Variants in ERC2 observed in about 807,000 individuals in gnomAD.
ERC2 encodes ERC protein 2.
ERC2 carries 42 observed loss-of-function variants against 114.8 expected under a neutral mutation model. The observed-to-expected ratio is 0.37, with a 90% CI of 0.29 to 0.47. The LOEUF (loss-of-function observed/expected upper bound fraction) is 0.47, where lower values mean the gene tolerates loss of function less well. ERC2 is among the 20% of genes least tolerant of loss of function. The pLI, the probability that ERC2 is intolerant of heterozygous loss-of-function variation, is 0.99. For missense variants in ERC2, 939 were observed against 1,150.7 expected (o/e 0.82, Z 2.66); for synonymous variants, 454 against 425.5 (o/e 1.07, Z -0.82).
chr3:55,947,443 A>G (rs1005658332), intron 13 of ERC2, among the ~76,000 whole-genome samples: 8 of 152,190 alleles, frequency 5.3e-5, no homozygotes, highest in African/African-American at 1.7e-4. Flanking sequence ...TTTGTGAGTC[A>G]AGTGAACTTT....
chr3:56,136,824 A>G (rs189010396), intron 6 of ERC2, among the ~76,000 whole-genome samples: 35 of 152,320 alleles, frequency 2.3e-4, no homozygotes, highest in Admixed American at 2.2e-3. Flanking sequence ...AAAAAAAGGC[A>G]AAAGAAAATT....
intron 3 of ERC2, among the ~76,000 whole-genome samples, chr3:56,292,346 G>C (rs1269780805): frequency 2.0e-5 from 3 of 151,758 alleles, no homozygotes. Context: ...CACTTTGGAA[G>C]GCTGAGGCAG....
intron 15 of ERC2, among the ~76,000 whole-genome samples, chr3:55,721,401 C>T (rs1019895751): frequency 3.9e-5 from 6 of 152,388 alleles, no homozygotes; most frequent in South Asian, 2.1e-4. Flanking sequence ...TCTGCAAAAG[C>T]GAATCCTGCC....
chr3:56,390,612 T>C (rs560955014), intron 2 of ERC2, among the ~76,000 whole-genome samples: 7 of 152,254 alleles, frequency 4.6e-5, no homozygotes, highest in Non-Finnish European at 7.4e-5. Context: ...ATATTTGTCA[T>C]TGGGGCTATC....
intron 11 of ERC2, among the ~76,000 whole-genome samples, chr3:55,990,221 T>A (rs559282281): frequency 3.0e-4 from 46 of 152,272 alleles, no homozygotes; most frequent in African/African-American, 1.1e-3. Flanking sequence ...AAGGATTCTA[T>A]TTGGGATAGT....
At chr3:56,418,278 G>A (rs2061248111) in intron 2 of ERC2, among the ~76,000 whole-genome samples, 1 of 148,996 alleles carries the variant, frequency 6.7e-6, no homozygotes, top group Admixed American at 6.7e-5. Flanking sequence ...CCTGGGTGAT[G>A]GAGCGAGATC....
intron 3 of ERC2, among the ~76,000 whole-genome samples, chr3:56,232,187 T>C (rs2150179825): frequency 6.6e-6 from 1 of 150,908 alleles, no homozygotes; most frequent in South Asian, 2.1e-4. Flanking sequence ...CAGGCTAGTC[T>C]TGAACTCCTG....
intron 13 of ERC2, among the ~76,000 whole-genome samples, chr3:55,923,175 A>T (rs1048228271): frequency 6.6e-6 from 1 of 152,224 alleles, no homozygotes; most frequent in Non-Finnish European, 1.5e-5. Context: ...TGATATATAC[A>T]TGCAATGGAA....
chr3:56,125,896 T>G (rs928824263), intron 6 of ERC2, among the ~76,000 whole-genome samples: 8 of 152,186 alleles, frequency 5.3e-5, no homozygotes, highest in African/African-American at 1.9e-4. Flanking sequence ...GGAATAAAAT[T>G]CAAAGAGCCC....
chr3:55,715,122 C>A (rs2064034698), intron 15 of ERC2, among the ~76,000 whole-genome samples: 1 of 152,162 alleles, frequency 6.6e-6, no homozygotes, highest in African/African-American at 2.4e-5. Context: ...CAACCAGCAT[C>A]ACCAATCTCT....
chr3:56,071,236 A>C (rs1215881035), intron 7 of ERC2, among the ~76,000 whole-genome samples: 1 of 152,242 alleles, frequency 6.6e-6, no homozygotes, highest in East Asian at 1.9e-4. Context: ...AGGCCAGAGT[A>C]GGGCAATGGT....
At chr3:56,008,538 A>G (rs2072676680) in intron 9 of ERC2, among the ~76,000 whole-genome samples, 1 of 152,186 alleles carries the variant, frequency 6.6e-6, no homozygotes, top group Non-Finnish European at 1.5e-5. Context: ...CTTCACTCCA[A>G]TTAAATTATA....
At chr3:56,075,369 C>T (rs1161136559) in intron 7 of ERC2, among the ~76,000 whole-genome samples, 4 of 152,168 alleles carry the variant, frequency 2.6e-5, no homozygotes, top group African/African-American at 4.8e-5. Context: ...TGACCAGACA[C>T]TCCTGGTTAT....
chr3:56,247,259 G>C (rs2051775717), intron 3 of ERC2, among the ~76,000 whole-genome samples: 1 of 152,058 alleles, frequency 6.6e-6, no homozygotes, highest in African/African-American at 2.4e-5. Flanking sequence ...GCAATTAAAA[G>C]TTAGAATTAT....
intron 15 of ERC2, among the ~76,000 whole-genome samples, chr3:55,732,104 G>T (rs2065287187): frequency 6.6e-6 from 1 of 152,040 alleles, no homozygotes; most frequent in Non-Finnish European, 1.5e-5. Flanking sequence ...TCCACACCCT[G>T]AGCCTCAGTT....
Position 56,319,309 on chromosome 3 carries a change from TA to T in ERC2, c.658-22875del, listed in dbSNP as rs886566598. Among the ~76,000 whole-genome samples the T allele has an allele frequency of 3.4e-3, 489 of 142,560 alleles. 2 individuals carry two copies. The highest frequency in any genetic ancestry group is 9.9e-3 in the African/African-American group (384 of 38,908). The allele number at this position is 142,560 out of a possible 152,430, so 93.5% of individuals were successfully genotyped here. A position where few individuals can be genotyped will look rare whatever the true frequency, so the allele number is the denominator to read the frequency against. ...CACACAACAGAATATTATTCAGCCT[TA>T]AAAAAAAAAAAGAAAATTCTGCCAT... On this transcript the variant is annotated intron_variant, in intron 2 of 17. Coordinates refer to ENST00000288221, the MANE Select transcript of ERC2 (RefSeq NM_015576.3).
At chr3:55,773,295 G>A (rs1575558983) in intron 14 of ERC2, among the ~76,000 whole-genome samples, 3 of 152,246 alleles carry the variant, frequency 2.0e-5, no homozygotes, top group African/African-American at 2.4e-5. Flanking sequence ...TGCCTGGAGC[G>A]CTCTTCCCTC....
At position 55,999,496 on chromosome 3, in the gene ERC2, T is replaced by C. The variant is rs146671433; in HGVS notation, c.2062-7246A>G. The stretch of plus-strand genomic sequence containing the variant: ...CAGAATTGACTATAAAATTATCTTA[T>C]TTAACAAAAAACAACTATACTATAA... On this transcript the variant is annotated intron_variant, in intron 10 of 17. Transcript: ENST00000288221. 2.9e-3 allele frequency among the ~76,000 whole-genome samples: 442 copies of C among 152,194 alleles called. 3 individuals carry two copies. Among genetic ancestry groups the C allele is most frequent in the African/African-American group, 8.8e-3 (364 of 41,572 alleles).
intron 14 of ERC2, among the ~76,000 whole-genome samples, chr3:55,768,305 A>T (rs1273751365): frequency 1.3e-5 from 2 of 152,230 alleles, no homozygotes; most frequent in Non-Finnish European, 2.9e-5. Flanking sequence ...GGAATAAAGC[A>T]CTATCTGGGA....
Sources: allele counts gnomAD v4.1 joint callset (sites outside exome capture counted in the v4.1 genomes callset), GRCh38; gene constraint gnomAD v4.1.1; transcripts MANE v1.5; gene names NCBI Gene and HGNC (gene_info 2026-07-23, HGNC 2026-07-21).